NCKAP5: variants seen among roughly 807,000 people sequenced by gnomAD.
NCKAP5 encodes the protein NCK associated protein 5.
In NCKAP5, 92 loss-of-function variants were observed where a neutral mutation model predicts 167.0. The ratio of observed to expected loss-of-function variants is 0.55; its 90% confidence interval spans 0.47 to 0.66. The LOEUF (loss-of-function observed/expected upper bound fraction) is 0.66, where lower values mean the gene tolerates loss of function less well. NCKAP5 is among the 30% of genes least tolerant of loss of function. NCKAP5 has a pLI of 0.00. For missense variants in NCKAP5, 2,378 were observed against 2,315.0 expected (o/e 1.03, Z -0.56); for synonymous variants, 891 against 877.4 (o/e 1.02, Z -0.27).
At chr2:133,008,078 T>C (rs1361120111) in intron 6 of NCKAP5, among the ~76,000 whole-genome samples, 11 of 152,200 alleles carry the variant, frequency 7.2e-5, no homozygotes, top group South Asian at 2.1e-4. Context: ...ACTCAGTGAC[T>C]GGCAGCCCAG....
At chr2:133,443,365 C>A (rs2151171041) in intron 3 of NCKAP5, among the ~76,000 whole-genome samples, 1 of 152,310 alleles carries the variant, frequency 6.6e-6, no homozygotes, top group South Asian at 2.1e-4. Context: ...AACAACTGTG[C>A]TCCTCCAGTA....
At position 132,710,182 on chromosome 2, in the gene NCKAP5, T is replaced by TA. The variant is rs201857962; in HGVS notation, c.5713+15444dup. Among the ~76,000 whole-genome samples, 1,196 of 152,226 alleles carry TA rather than the reference T, an allele frequency of 7.9e-3. 16 individuals carry two copies. The highest frequency in any genetic ancestry group is 0.011 in the Non-Finnish European group (741 of 68,006). On this transcript the variant is annotated intron_variant, in intron 19 of 19. Transcript: ENST00000409261. The stretch of plus-strand genomic sequence containing the variant: ...AAAATTCAACATGACTACGTGATTC[T>TA]AAAAAAACCCTTCTTAGTTAAGGAG...
the NCKAP5 span, among the ~76,000 whole-genome samples, chr2:133,587,978 G>A: frequency 6.6e-6 from 1 of 151,930 alleles, no homozygotes; most frequent in Non-Finnish European, 1.5e-5. Flanking sequence ...AGTTTAATGA[G>A]TCCAGCCCAG....
At chr2:133,672,350 T>A in the NCKAP5 span, among the ~76,000 whole-genome samples, 1 of 152,222 alleles carries the variant, frequency 6.6e-6, no homozygotes, top group African/African-American at 2.4e-5. Context: ...GTCCAGGAAC[T>A]GGTGCCAGTC....
At chr2:132,891,822 C>T (rs1473960656) in intron 8 of NCKAP5, among the ~76,000 whole-genome samples, 1 of 152,186 alleles carries the variant, frequency 6.6e-6, no homozygotes, top group East Asian at 1.9e-4. Flanking sequence ...GATCTATCTT[C>T]CTAGGAGGAG....
rs1187156888 is a variant in NCKAP5 at position 133,528,708 on chromosome 2, G to A, written c.-61-11121C>T. ...CCAAGACAACTATGGCTTAGGTTTT[G>A]CCCCATGATTCTCGTGTTACCCTTC... On this transcript the variant is annotated intron_variant, in intron 2 of 19. Coordinates refer to ENST00000409261, the MANE Select transcript of NCKAP5 (RefSeq NM_207363.3). Among the ~76,000 whole-genome samples the A allele has an allele frequency of 2.0e-5, 3 of 152,286 alleles. No individual in the cohort carries two copies. In the East Asian group the frequency reaches 5.8e-4, roughly 29 times the overall value.
intron 3 of NCKAP5, among the ~76,000 whole-genome samples, chr2:133,357,893 A>G (rs1225192459): frequency 6.6e-6 from 1 of 152,220 alleles, no homozygotes; most frequent in Non-Finnish European, 1.5e-5. Flanking sequence ...TTCATTTCAT[A>G]TCACTCATTG....
intron 8 of NCKAP5, among the ~76,000 whole-genome samples, chr2:132,925,125 A>C (rs889167872): frequency 6.6e-6 from 1 of 151,926 alleles, no homozygotes; most frequent in Non-Finnish European, 1.5e-5. Flanking sequence ...TTTTCCATGG[A>C]CTTTGTTGGG....
intron 4 of NCKAP5, among the ~76,000 whole-genome samples, chr2:133,302,806 A>C (rs983522979): frequency 6.6e-6 from 1 of 151,010 alleles, no homozygotes; most frequent in East Asian, 1.9e-4. Flanking sequence ...AAAAAAAATA[A>C]ATAAATAAAT....
intron 3 of NCKAP5, among the ~76,000 whole-genome samples, chr2:133,442,443 T>C (rs558031589): frequency 6.7e-4 from 102 of 152,300 alleles, no homozygotes; most frequent in East Asian, 2.1e-3. Flanking sequence ...CTCTGACATC[T>C]GATGAACTTA....
chr2:132,905,546 G>A (rs887303413), intron 8 of NCKAP5, among the ~76,000 whole-genome samples: 22 of 151,908 alleles, frequency 1.4e-4, no homozygotes, highest in African/African-American at 5.1e-4. Context: ...TTAAATTTTG[G>A]GAAAAAGTAT....
chr2:133,266,199 T>C (rs2089201449), intron 4 of NCKAP5: 3 of 152,236 alleles, frequency 2.0e-5, no homozygotes, highest in Admixed American at 6.5e-5. Context: ...TCCCACAGAC[T>C]GTCCCCCTTC....
At chr2:132,761,690 T>C (rs537980975) in intron 16 of NCKAP5, among the ~76,000 whole-genome samples, 1 of 152,338 alleles carries the variant, frequency 6.6e-6, no homozygotes, top group South Asian at 2.1e-4. Flanking sequence ...TTTAAACATA[T>C]ATCATATGTC....
intron 3 of NCKAP5, among the ~76,000 whole-genome samples, chr2:133,450,828 T>A (rs1691505148): frequency 6.6e-6 from 1 of 152,188 alleles, no homozygotes; most frequent in Non-Finnish European, 1.5e-5. Flanking sequence ...ATGGTATTAG[T>A]ATCCAGACTA....
chr2:133,430,990 GGAAAAAGAAAGAGAAA>G lies in NCKAP5; in HGVS notation c.69+86452_69+86467del, dbSNP rs201941976. ...ATAAATCATATACTAGGAGAAAGGG[GGAAAAAGAAAGAGAAA>G]GAAAAAGAAAGACAGAGAGAGAGAC... On this transcript the variant is annotated intron_variant, in intron 3 of 19. Transcript: ENST00000409261. 2.4e-3 allele frequency among the ~76,000 whole-genome samples: 359 copies of G among 151,850 alleles called. 2 individuals are homozygous for G. The highest frequency in any genetic ancestry group is 0.022 in the East Asian group (113 of 5,150).
At position 132,682,436 on chromosome 2, in the gene NCKAP5, G is replaced by A. The variant is rs180824112; in HGVS notation, c.5714-9131C>T. On this transcript the variant is annotated intron_variant, in intron 19 of 19. Transcript: ENST00000409261. ...TGTTTATTCTTTAGGTATTTACCAAGTACCTACAATGTACCAGAAAGTATT... is the reference window on the plus strand; with the variant it reads ...TGTTTATTCTTTAGGTATTTACCAAATACCTACAATGTACCAGAAAGTATT... Among the ~76,000 whole-genome samples the A allele has an allele frequency of 1.2e-3, 182 of 152,266 alleles. 1 individual carries two copies. Among genetic ancestry groups the A allele is most frequent in the South Asian group, 5.0e-3 (24 of 4,826 alleles).
chr2:133,642,977 G>A, the NCKAP5 span, among the ~76,000 whole-genome samples: 1 of 152,076 alleles, frequency 6.6e-6, no homozygotes, highest in African/African-American at 2.4e-5. Flanking sequence ...CATTGCAATA[G>A]TGCAGACCAT....
chr2:132,990,068 A>G (rs2077407169), intron 7 of NCKAP5, among the ~76,000 whole-genome samples: 1 of 152,198 alleles, frequency 6.6e-6, no homozygotes, highest in Non-Finnish European at 1.5e-5. Context: ...AACACTGGGA[A>G]CACAAGATGC....
At chr2:133,036,311 A>C (rs2079039940) in intron 6 of NCKAP5, among the ~76,000 whole-genome samples, 1 of 151,998 alleles carries the variant, frequency 6.6e-6, no homozygotes, top group African/African-American at 2.4e-5. Flanking sequence ...GATTACTTCC[A>C]AACTCATTCT....
Sources: allele counts gnomAD v4.1 joint callset (sites outside exome capture counted in the v4.1 genomes callset), GRCh38; gene constraint gnomAD v4.1.1; transcripts MANE v1.5; gene names NCBI Gene and HGNC (gene_info 2026-07-23, HGNC 2026-07-21).